Variants in SLC11A2 observed in about 807,000 individuals in gnomAD.
The protein encoded by SLC11A2 is solute carrier family 11 member 2.
SLC11A2 carries 38 observed loss-of-function variants against 68.0 expected under a neutral mutation model. That is an observed-to-expected ratio of 0.56 (90% confidence interval 0.43 to 0.73). The LOEUF (loss-of-function observed/expected upper bound fraction) is 0.73. Among genes scored for constraint, SLC11A2 ranks in the 30% least tolerant of loss-of-function variants. The pLI is 0.00. For synonymous variants in SLC11A2, 242 were observed against 250.6 expected (o/e 0.97, Z 0.32); for missense variants, 517 against 690.5 (o/e 0.75, Z 2.82).
At chr12:51,026,216 G>A (rs544177206) in intron 1 of SLC11A2, 94 bp downstream of exon 1, 2 of 1,216,572 alleles carry the variant, frequency 1.6e-6, no homozygotes, top group East Asian at 1.4e-4. Flanking sequence ...CCTAGCCCCG[G>A]AGCCTGACCC....
chr12:50,981,576 T>G, downstream of SLC11A2: 1 of 639,142 alleles, frequency 1.6e-6, no homozygotes, highest in Non-Finnish European at 2.9e-6. Flanking sequence ...AGCTGTCAGT[T>G]TTGAACACCC....
chr12:50,995,918 C>A lies in SLC11A2; in HGVS notation c.832-131G>T, dbSNP rs1592340301. On this transcript the variant is annotated intron_variant, in intron 9 of 15. Transcript: ENST00000262052. ...ACCAGACGAAAAGTGAGAGATCCAA[C>A]ACTCACCTACATCCTAGTTCACTGA... is the stretch of plus-strand genomic sequence containing the variant. The A allele has an allele frequency of 6.5e-6, 5 of 765,238 alleles. No individual in the cohort carries two copies. In the East Asian group the frequency reaches 1.3e-4, roughly 19 times the overall value. The allele number at this position is 765,238 out of a possible 1,614,324, so 47.4% of individuals were successfully genotyped here.
chr12:51,009,307 C>G (rs1171476467), intron 2 of SLC11A2: 1 of 1,275,798 alleles, frequency 7.8e-7, no homozygotes, highest in Non-Finnish European at 9.9e-7. Context: ...CTCGTGATGG[C>G]AGGGCTCATC....
At chr12:51,016,286 C>G (rs1943644079) in intron 1 of SLC11A2, among the ~76,000 whole-genome samples, 1 of 152,120 alleles carries the variant, frequency 6.6e-6, no homozygotes, top group Non-Finnish European at 1.5e-5. Context: ...GTGGCTCACA[C>G]CTGTAATCCC....
chr12:51,024,685 T>A lies in SLC11A2; in HGVS notation c.-39+1625A>T, dbSNP rs190274345. On this transcript the variant is annotated intron_variant, in intron 1 of 15. Coordinates refer to ENST00000262052, the MANE Select transcript of SLC11A2 (RefSeq NM_000617.3). ...AAAGAAAGAAAGAAAAAGATCCTAC[T>A]TTGTAGATATAATTCTCTAACCTTC... 7.2e-4 allele frequency: 110 copies of A among 152,374 alleles called. 1 individual carries two copies. The highest frequency in any genetic ancestry group is 2.4e-3 in the African/African-American group (99 of 41,576). 9.4% of individuals were successfully genotyped at this position (152,374 alleles called of 1,614,324 possible). A position where few individuals can be genotyped will look rare whatever the true frequency, so the allele number is the denominator to read the frequency against.
At chr12:50,963,868 C>T in the SLC11A2 span, among the ~76,000 whole-genome samples, 9 of 152,300 alleles carry the variant, frequency 5.9e-5, no homozygotes, top group Admixed American at 1.3e-4. Flanking sequence ...CTGTCCAGCC[C>T]TTGTCAACTT....
intron 11 of SLC11A2, among the ~76,000 whole-genome samples, chr12:50,993,446 A>C (rs892887835): frequency 6.6e-6 from 1 of 152,118 alleles, no homozygotes; most frequent in Non-Finnish European, 1.5e-5. Flanking sequence ...TAATCCCAGC[A>C]CTTTGGGAGG....
chr12:51,007,406 C>T (rs981237018), intron 3 of SLC11A2, among the ~76,000 whole-genome samples: 15 of 152,164 alleles, frequency 9.9e-5, no homozygotes, highest in Non-Finnish European at 2.2e-4. Flanking sequence ...GCGATCTTGG[C>T]TCACTGCAGC....
chr12:51,013,823 A>G (rs1008767788), intron 1 of SLC11A2, among the ~76,000 whole-genome samples: 1 of 151,508 alleles, frequency 6.6e-6, no homozygotes, highest in African/African-American at 2.4e-5. Context: ...AGGCCTTAAA[A>G]GTTTTTATTT....
At chr12:50,999,712 T>C (rs1388680053) in intron 6 of SLC11A2, 4 of 423,956 alleles carry the variant, frequency 9.4e-6, no homozygotes, top group Non-Finnish European at 1.7e-5. Flanking sequence ...AGATAGATAG[T>C]ATCTAGTGGG....
chr12:50,988,802 T>G (rs1940854975), intron 15 of SLC11A2, among the ~76,000 whole-genome samples: 1 of 152,110 alleles, frequency 6.6e-6, no homozygotes, highest in Non-Finnish European at 1.5e-5. Context: ...AGCCTCGAAT[T>G]CCTGGGCTCA....
Position 50,987,017 on chromosome 12 carries a change from T to C in SLC11A2, c.*1308A>G. On this transcript the variant is annotated 3_prime_UTR_variant, in exon 16 of 16. Coordinates refer to ENST00000262052, the MANE Select transcript of SLC11A2 (RefSeq NM_000617.3). ...ACTATAAAACAGTTTTGATTATTTA[T>C]CTCCATCAAAGTGATTTGATTTGAG... The C allele has an allele frequency of 7.8e-7, 1 of 1,285,728 alleles. No homozygotes were observed. The highest frequency in any genetic ancestry group is 1.2e-5 in the South Asian group (1 of 80,722). The allele number at this position is 1,285,728 out of a possible 1,614,324, so 79.6% of individuals were successfully genotyped here.
chr12:50,958,973 T>C, the SLC11A2 span, among the ~76,000 whole-genome samples: 2 of 151,854 alleles, frequency 1.3e-5, no homozygotes, highest in South Asian at 4.2e-4. Context: ...GCTGAGATTG[T>C]ACCACTTCAC....
intron 6 of SLC11A2, 37 bp downstream of exon 6, chr12:51,000,276 C>T: frequency 6.9e-7 from 1 of 1,439,290 alleles, no homozygotes; most frequent in Non-Finnish European, 9.8e-7. Context: ...GGAAATCCAG[C>T]AAAACACTGA....
intron 11 of SLC11A2, among the ~76,000 whole-genome samples, chr12:50,993,921 G>A (rs927205162): frequency 1.4e-5 from 2 of 146,564 alleles, no homozygotes; most frequent in Non-Finnish European, 3.0e-5. Flanking sequence ...GGACCAGGTA[G>A]GTGGAGGCTG....
chr12:51,026,391 C>A (rs749207739), upstream of SLC11A2: 22 of 1,270,468 alleles, frequency 1.7e-5, no homozygotes, highest in Non-Finnish European at 2.3e-5. Flanking sequence ...CGCTGGCTAA[C>A]GCCCTCCCCT....
intron 10 of SLC11A2, among the ~76,000 whole-genome samples, chr12:50,995,367 A>G (rs979969746): frequency 3.3e-5 from 5 of 152,194 alleles, no homozygotes; most frequent in African/African-American, 1.2e-4. Flanking sequence ...CAAAATGACA[A>G]GACAAAGTCT....
At chr12:51,028,323 C>T (rs954114281), upstream of SLC11A2, 9 of 830,736 alleles carry the variant, frequency 1.1e-5, no homozygotes, top group Non-Finnish European at 1.5e-5. Flanking sequence ...CTTTTGGGTG[C>T]TCTAAGCAAC....
chr12:51,027,243 G>A (rs141132397), upstream of SLC11A2, among the ~76,000 whole-genome samples: 755 of 152,052 alleles, frequency 5.0e-3, 7 homozygotes, highest in African/African-American at 0.017. Flanking sequence ...GGGGGCTGAG[G>A]TGGGAGAATC....
Sources: gnomAD v4.1 joint callset for allele counts (sites outside exome capture counted in the v4.1 genomes callset) on GRCh38, gnomAD v4.1.1 for gene constraint, MANE v1.5 for transcripts, NCBI Gene and HGNC (gene_info 2026-07-23, HGNC 2026-07-21) for gene names.